SPOCK3: variants seen among roughly 807,000 people sequenced by gnomAD.
The protein encoded by SPOCK3 is SPARC (osteonectin), cwcv and kazal like domains proteoglycan 3.
In SPOCK3, 30 loss-of-function variants were observed where a neutral mutation model predicts 56.6. That is an observed-to-expected ratio of 0.53 (90% CI 0.40 to 0.72). The LOEUF is 0.72. Among genes scored for constraint, SPOCK3 ranks in the 30% least tolerant of loss-of-function variants. The pLI is 0.00. For synonymous variants in SPOCK3, 196 were observed against 183.3 expected (o/e 1.07, Z -0.56); for missense variants, 527 against 530.0 (o/e 0.99, Z 0.06).
intron 6 of SPOCK3, among the ~76,000 whole-genome samples, chr4:166,846,678 G>A (rs1390040659): frequency 2.0e-5 from 3 of 152,000 alleles, no homozygotes; most frequent in Admixed American, 2.0e-4. Context: ...AATACCCTAA[G>A]TAAATAATAA....
chr4:166,902,070 G>A (rs1044111778), intron 5 of SPOCK3, among the ~76,000 whole-genome samples: 12 of 152,072 alleles, frequency 7.9e-5, no homozygotes, highest in African/African-American at 2.7e-4. Flanking sequence ...CTTTTGTTCC[G>A]TGCACTCTTT....
intron 2 of SPOCK3, among the ~76,000 whole-genome samples, chr4:167,191,388 T>G (rs1446063701): frequency 6.9e-6 from 1 of 145,746 alleles, no homozygotes; most frequent in Non-Finnish European, 1.5e-5. Context: ...TATGGACATT[T>G]TAACAACATT....
chr4:166,995,868 TATG>T (rs1236809402), intron 4 of SPOCK3, among the ~76,000 whole-genome samples: 2 of 152,150 alleles, frequency 1.3e-5, no homozygotes, highest in Non-Finnish European at 2.9e-5. Context: ...TTTAAATGAT[TATG>T]ATAAGTTCAA....
intron 2 of SPOCK3, among the ~76,000 whole-genome samples, chr4:167,088,344 A>G (rs1758390313): frequency 6.6e-6 from 1 of 152,116 alleles, no homozygotes; most frequent in Non-Finnish European, 1.5e-5. Flanking sequence ...GAATCACTGC[A>G]TTAGGGTTTT....
intron 6 of SPOCK3, among the ~76,000 whole-genome samples, chr4:166,802,157 C>G (rs1271300405): frequency 6.6e-6 from 1 of 151,530 alleles, no homozygotes; most frequent in African/African-American, 2.4e-5. Context: ...AGAGAATAAG[C>G]AAACATTTTC....
intron 4 of SPOCK3, among the ~76,000 whole-genome samples, chr4:166,971,235 C>A (rs932031344): frequency 6.6e-6 from 1 of 152,114 alleles, no homozygotes; most frequent in Non-Finnish European, 1.5e-5. Context: ...GGTTTTCCAT[C>A]ATGTAAATAA....
At chr4:166,860,611 T>C (rs1731126226) in intron 6 of SPOCK3, among the ~76,000 whole-genome samples, 1 of 151,594 alleles carries the variant, frequency 6.6e-6, no homozygotes, top group Admixed American at 6.6e-5. Context: ...TGATGTTTGA[T>C]ATATCATACA....
At chr4:166,858,753 G>A (rs911921189) in intron 6 of SPOCK3, among the ~76,000 whole-genome samples, 6 of 152,088 alleles carry the variant, frequency 3.9e-5, no homozygotes, top group African/African-American at 1.2e-4. Flanking sequence ...GGTACTACAC[G>A]AGCAAAAATG....
At chr4:167,205,668 A>G (rs1369830488) in intron 2 of SPOCK3, among the ~76,000 whole-genome samples, 1 of 136,666 alleles carries the variant, frequency 7.3e-6, no homozygotes. Flanking sequence ...GCTGGAGTGC[A>G]ATGGCATGAT....
chr4:166,764,193 T>C (rs955434212), intron 7 of SPOCK3, among the ~76,000 whole-genome samples: 4 of 152,188 alleles, frequency 2.6e-5, no homozygotes, highest in African/African-American at 9.6e-5. Context: ...AGAAAAGATA[T>C]CCACTTTTTT....
chr4:166,753,981 T>C (rs944007191), intron 8 of SPOCK3: 1 of 546,406 alleles, frequency 1.8e-6, no homozygotes, highest in Non-Finnish European at 2.3e-6. Flanking sequence ...AAGACACTTT[T>C]TCTGCTAGTG....
At chr4:167,212,181 T>G (rs1734938326) in intron 2 of SPOCK3, among the ~76,000 whole-genome samples, 1 of 152,122 alleles carries the variant, frequency 6.6e-6, no homozygotes, top group Non-Finnish European at 1.5e-5. Context: ...CTGTGTTGTG[T>G]TCATTTTAGA....
chr4:166,909,888 G>A (rs1339241699), intron 5 of SPOCK3, among the ~76,000 whole-genome samples: 1 of 152,148 alleles, frequency 6.6e-6, no homozygotes, highest in Non-Finnish European at 1.5e-5. Flanking sequence ...ATAAGCAGAT[G>A]TTGGGAACAT....
At chr4:167,166,233 A>G (rs1321601554) in intron 2 of SPOCK3, among the ~76,000 whole-genome samples, 1 of 152,134 alleles carries the variant, frequency 6.6e-6, no homozygotes, top group Non-Finnish European at 1.5e-5. Context: ...GGACAAAACT[A>G]GAACATTGCA....
At chr4:167,155,892 A>G (rs1172029810) in intron 2 of SPOCK3, among the ~76,000 whole-genome samples, 1 of 152,184 alleles carries the variant, frequency 6.6e-6, no homozygotes, top group Non-Finnish European at 1.5e-5. Context: ...AACTCAGATG[A>G]CAAGTTGATA....
At chr4:167,031,823 A>G (rs1752304473) in intron 3 of SPOCK3, among the ~76,000 whole-genome samples, 1 of 152,054 alleles carries the variant, frequency 6.6e-6, no homozygotes, top group African/African-American at 2.4e-5. Context: ...GACATGACAC[A>G]ACTTTAGTTA....
chr4:166,865,597 C>A (rs982197382), intron 6 of SPOCK3, among the ~76,000 whole-genome samples: 1 of 151,968 alleles, frequency 6.6e-6, no homozygotes, highest in African/African-American at 2.4e-5. Context: ...GGATAGAAAA[C>A]CAATGTGCAA....
chr4:167,153,634 C>T (rs1764586809), intron 2 of SPOCK3, among the ~76,000 whole-genome samples: 1 of 152,162 alleles, frequency 6.6e-6, no homozygotes, highest in South Asian at 2.1e-4. Context: ...ATATCATTAC[C>T]TTAAAAATCT....
At chr4:167,059,099 T>G (rs2150238784) in intron 3 of SPOCK3, among the ~76,000 whole-genome samples, 1 of 152,124 alleles carries the variant, frequency 6.6e-6, no homozygotes, top group East Asian at 1.9e-4. Context: ...GGGCAAGGAC[T>G]TCATGTCTAA....
Sources: gnomAD v4.1 joint callset for allele counts (sites outside exome capture counted in the v4.1 genomes callset) on GRCh38, gnomAD v4.1.1 for gene constraint, MANE v1.5 for transcripts, NCBI Gene and HGNC (gene_info 2026-07-23, HGNC 2026-07-21) for gene names.